CENATAC: variants seen among roughly 807,000 people sequenced by gnomAD.
CENATAC encodes the protein centrosomal AT-AC splicing factor.
In CENATAC, 53 loss-of-function variants were observed where a neutral mutation model predicts 53.7. The ratio of observed to expected loss-of-function variants is 0.99; its 90% CI spans 0.79 to 1.24. The LOEUF (loss-of-function observed/expected upper bound fraction) is 1.24, where lower values mean the gene tolerates loss of function less well. CENATAC is among the 50% of genes most tolerant of loss of function. The pLI is 0.00. For missense variants in CENATAC, 474 were observed against 417.8 expected (o/e 1.13, Z -1.17); for synonymous variants, 156 against 144.6 (o/e 1.08, Z -0.57).
chr11:119,015,624 G>A lies in CENATAC; in HGVS notation c.*26G>A, dbSNP rs782605404. 17 of 1,612,804 alleles carry A rather than the reference G, an allele frequency of 1.1e-5. No individual in the cohort carries two copies. Among genetic ancestry groups the A allele is most frequent in the East Asian group, 2.2e-5 (1 of 44,892 alleles). ...TCATGCTCTCTACCAACTACCATGAGGCTAAAAGCAAAGTCAACAAACCCC... is the reference window on the plus strand; with the variant it reads ...TCATGCTCTCTACCAACTACCATGAAGCTAAAAGCAAAGTCAACAAACCCC... On this transcript the variant is annotated 3_prime_UTR_variant, in exon 11 of 11. Transcript: ENST00000334418.
Position 119,008,247 on chromosome 11 carries a change from C to T in CENATAC, c.384-2517C>T, listed in dbSNP as rs538686739. ...TGGTGCTCAGCACACCAAGGACCTG[C>T]ACCGGCACCGGCCTCTGAGTTCCCT... is the stretch of plus-strand genomic sequence containing the variant. On this transcript the variant is annotated intron_variant, in intron 3 of 10. Coordinates refer to ENST00000334418, the MANE Select transcript of CENATAC (RefSeq NM_198489.3). Among the ~76,000 whole-genome samples the T allele has an allele frequency of 1.3e-3, 202 of 152,320 alleles. 1 individual carries two copies. Among genetic ancestry groups the T allele is most frequent in the African/African-American group, 4.5e-3 (188 of 41,590 alleles).
chr11:119,012,096 A>G, intron 6 of CENATAC, 53 bp from the exon 7 acceptor site: 2 of 1,613,972 alleles, frequency 1.2e-6, no homozygotes, highest in Non-Finnish European at 1.7e-6. Context: ...TCTAATCTTT[A>G]CCACCCTCAT....
Position 119,015,355 on chromosome 11 carries a change from A to G in CENATAC, c.854A>G (p.Asn285Ser). 2 of 1,614,192 alleles carry G rather than the reference A, an allele frequency of 1.2e-6. No homozygotes were observed. The highest frequency in any genetic ancestry group is 1.7e-6 in the Non-Finnish European group (2 of 1,180,014). ...CTCCCCCCAGACCGAGTTGGGGCCA[A>G]CTTTGATCACAGCTCCAGGACCAGT... is the stretch of plus-strand genomic sequence containing the variant. ...KKLPPDRVGANFDHSSRTSAG... is the reference protein window; with the variant it reads ...KKLPPDRVGASFDHSSRTSAG... Residue 285 changes from asparagine (N) to serine (S), a missense_variant, in exon 10 of 11, where the codon AAC (asparagine) becomes AGC (serine). Physicochemically the swap from Asn to Ser is conservative, Grantham distance 46. Transcript: ENST00000334418.
intron 5 of CENATAC, 45 bp downstream of exon 5, chr11:119,011,328 A>G: frequency 6.4e-7 from 1 of 1,570,514 alleles, no homozygotes; most frequent in South Asian, 1.1e-5. Flanking sequence ...AAATCCACTG[A>G]TCCCTGGCAT....
chr11:119,012,979 C>T (rs988263443), intron 7 of CENATAC: 8 of 416,314 alleles, frequency 1.9e-5, no homozygotes, highest in East Asian at 1.1e-4. Context: ...GGTTTTGCTC[C>T]CCTGGCATGT....
At chr11:119,013,021 G>A in intron 7 of CENATAC, 1 of 504,686 alleles carries the variant, frequency 2.0e-6, no homozygotes, top group Non-Finnish European at 3.6e-6. Flanking sequence ...CATCTCCACT[G>A]TTATGACTGT....
In CENATAC at chr11:119,015,668, ATTCT is replaced by A. The variant is rs1943133895; in HGVS notation, c.*73_*76del. On this transcript the variant is annotated 3_prime_UTR_variant, in exon 11 of 11. Transcript: ENST00000334418. ...AAACCCCTATTATACCTTCCACCAA[ATTCT>A]TTATCATTGTCTTTCTTAGGAAACA... 6.8e-7 allele frequency: 1 copy of A among 1,467,958 alleles called. No homozygotes were observed. The highest frequency in any genetic ancestry group is 1.2e-5 in the South Asian group (1 of 86,068). The allele number at this position is 1,467,958 out of a possible 1,614,324, so 90.9% of individuals were successfully genotyped here.
Position 118,998,460 on chromosome 11 carries a change from G to T in CENATAC, c.151G>T (p.Ala51Ser). Residue 51 changes from alanine (A) to serine (S), a missense_variant, in exon 2 of 11, where the codon GCT becomes TCT. Coordinates refer to ENST00000334418, the MANE Select transcript of CENATAC (RefSeq NM_198489.3). ...GGCGGCCCGCAAGGCCATCCGCGCC[G>T]CTCAGGTGGAGCGCTATGTGCCCGA... ...VEAARKAIRAAQVERYVPEHE... is the reference protein window; with the variant it reads ...VEAARKAIRASQVERYVPEHE... 4.3e-6 allele frequency: 7 copies of T among 1,612,746 alleles called. No homozygotes were observed. The highest frequency in any genetic ancestry group is 5.1e-6 in the Non-Finnish European group (6 of 1,179,814).
At position 119,015,328 on chromosome 11, in the gene CENATAC, A is replaced by G; in HGVS notation, c.827A>G (p.Lys276Arg). Residue 276 changes from lysine to arginine, a missense_variant, in exon 10 of 11, where the codon AAA becomes AGA. By Grantham distance (26) the Lys-to-Arg change is conservative (BLOSUM62 2). Coordinates refer to ENST00000334418, the MANE Select transcript of CENATAC (RefSeq NM_198489.3). Reference sequence around the variant, plus strand: ...ACAGAGGAAAAACAGAAGTTGAAAAAACTCCCCCCAGACCGAGTTGGGGCC... The same window carrying G: ...ACAGAGGAAAAACAGAAGTTGAAAAGACTCCCCCCAGACCGAGTTGGGGCC... ...LKEKEKQKLK[K>R]LPPDRVGANF... The G allele has an allele frequency of 6.2e-7, 1 of 1,610,970 alleles. No individual in the cohort carries two copies. Among genetic ancestry groups the G allele is most frequent in the African/African-American group, 1.3e-5 (1 of 74,604 alleles).
intron 2 of CENATAC, 40 bp from the exon 3 acceptor site, chr11:118,998,971 A>T: frequency 6.9e-7 from 1 of 1,445,910 alleles, no homozygotes; most frequent in Non-Finnish European, 9.7e-7. Context: ...GTAATATTTT[A>T]TAATCTATAG....
At position 119,015,718 on chromosome 11, in the gene CENATAC, T is replaced by G; in HGVS notation, c.*120T>G. 7.7e-7 allele frequency: 1 copy of G among 1,290,440 alleles called. No individual in the cohort carries two copies. Among genetic ancestry groups the G allele is most frequent in the Non-Finnish European group, 1.1e-6 (1 of 907,412 alleles). The allele number at this position is 1,290,440 out of a possible 1,614,324, so 79.9% of individuals were successfully genotyped here. A position where few individuals can be genotyped will look rare whatever the true frequency, so the allele number is the denominator to read the frequency against. On this transcript the variant is annotated 3_prime_UTR_variant, in exon 11 of 11. Transcript: ENST00000334418. ...AAACAGACATACTCATTCATTTGAT[T>G]TAATAAAGTTTTATTTTTCCAAATG...
At chr11:119,000,926 A>C (rs905335731) in intron 3 of CENATAC, among the ~76,000 whole-genome samples, 1 of 151,998 alleles carries the variant, frequency 6.6e-6, no homozygotes, top group Non-Finnish European at 1.5e-5. Context: ...GTCAATGTGC[A>C]TGGATTCATT....
intron 3 of CENATAC, chr11:118,999,375 C>G: frequency 2.8e-6 from 1 of 362,972 alleles, no homozygotes. Flanking sequence ...ACCGAGAATA[C>G]TAACGTTAGA....
rs1310494531 is a variant in CENATAC, at chr11:119,015,742, T to C, written c.*144T>C. 4 of 1,265,306 alleles carry C rather than the reference T, an allele frequency of 3.2e-6. No individual in the cohort carries two copies. The highest frequency in any genetic ancestry group is 4.5e-6 in the Non-Finnish European group (4 of 882,086). The allele number at this position is 1,265,306 out of a possible 1,614,324, so 78.4% of individuals were successfully genotyped here. A position where few individuals can be genotyped will look rare whatever the true frequency, so the allele number is the denominator to read the frequency against. On this transcript the variant is annotated 3_prime_UTR_variant, in exon 11 of 11. Transcript: ENST00000334418. ...TTTAATAAAGTTTTATTTTTCCAAATGTACAGCTGGTTGGACCTGTAAAAA... is the reference window on the plus strand; with the variant it reads ...TTTAATAAAGTTTTATTTTTCCAAACGTACAGCTGGTTGGACCTGTAAAAA...
At chr11:119,012,111 C>A in intron 6 of CENATAC, 38 bp from the exon 7 acceptor site, 1 of 1,614,058 alleles carries the variant, frequency 6.2e-7, no homozygotes, top group South Asian at 1.1e-5. Context: ...CCTCATGGCT[C>A]AAGGACCTCA....
Position 119,012,160 on chromosome 11 carries a change from C to A in CENATAC, c.590C>A (p.Ser197Tyr), listed in dbSNP as rs1565668906. Residue 197 changes from serine (S) to tyrosine (Y), a missense_variant, in exon 7 of 11, where the codon TCC becomes TAC. Transcript: ENST00000334418. Reference protein sequence around the residue: ...SWKGMNSQVASSLQQPSNLDL... With the variant: ...SWKGMNSQVAYSLQQPSNLDL... ...CTCATGTTTTTCAGCCAAGTAGCTT[C>A]CAGCTTACAGCAGCCCTCAAATTTG... 1.2e-6 allele frequency: 2 copies of A among 1,614,192 alleles called. No individual in the cohort carries two copies. Among genetic ancestry groups the A allele is most frequent in the Non-Finnish European group, 1.7e-6 (2 of 1,180,032 alleles).
At chr11:119,004,861 C>T (rs1942501003) in intron 3 of CENATAC, 1 of 152,146 alleles carries the variant, frequency 6.6e-6, no homozygotes, top group African/African-American at 2.4e-5. Context: ...GAGTTTAAGA[C>T]CAGCCTGAAC....
rs10680026 is a variant in CENATAC, at chr11:119,014,958, TAAAAA to T, written c.716-24_716-20del. The T allele has an allele frequency of 6.5e-5, 76 of 1,170,302 alleles. No individual in the cohort carries two copies. In the East Asian group the frequency reaches 1.3e-3, roughly 20 times the overall value. 72.5% of individuals were successfully genotyped at this position (1,170,302 alleles called of 1,614,324 possible). A position where few individuals can be genotyped will look rare whatever the true frequency, so the allele number is the denominator to read the frequency against. On this transcript the variant is annotated intron_variant, in intron 8 of 10. Coordinates refer to ENST00000334418, the MANE Select transcript of CENATAC (RefSeq NM_198489.3). Reference sequence around the variant, plus strand: ...CATGTTTCACAATAGCCTGAAGACTTAAAAAAAAAAAAAAAAGCCTTAATTTTTTT... The same window carrying T: ...CATGTTTCACAATAGCCTGAAGACTTAAAAAAAAAAAGCCTTAATTTTTTT...
chr11:119,013,338 C>G, intron 8 of CENATAC, 76 bp downstream of exon 8: 2 of 1,164,206 alleles, frequency 1.7e-6, no homozygotes, highest in Non-Finnish European at 2.5e-6. Context: ...GTTCTGTCGC[C>G]AGGCTGGAGT....
Sources: gnomAD v4.1 joint callset for allele counts (sites outside exome capture counted in the v4.1 genomes callset) on GRCh38, gnomAD v4.1.1 for gene constraint, MANE v1.5 for transcripts, NCBI Gene and HGNC (gene_info 2026-07-23, HGNC 2026-07-21) for gene names.